The following LHFPL6 variants were observed in gnomAD, a reference collection of about 807,000 sequenced individuals.
LHFPL6 encodes LHFPL tetraspan subfamily member 6.
LHFPL6 carries 9 observed loss-of-function variants against 20.6 expected under a neutral mutation model. That is an observed-to-expected ratio of 0.44 (90% CI 0.26 to 0.76). The LOEUF (loss-of-function observed/expected upper bound fraction) is 0.76. Ranked by LOEUF, LHFPL6 falls within the 30% of genes least tolerant of loss-of-function variation. The pLI, the probability that LHFPL6 is intolerant of heterozygous loss-of-function variation, is 0.20. For synonymous variants in LHFPL6, 105 were observed against 98.7 expected, an observed-to-expected ratio of 1.06 and a Z score of -0.38; for missense variants, 218 against 253.5, an observed-to-expected ratio of 0.86 and a Z score of 0.95.
chr13:39,497,938 C>A (rs1188727662), intron 2 of LHFPL6, among the ~76,000 whole-genome samples: 1 of 152,162 alleles, frequency 6.6e-6, no homozygotes, highest in Non-Finnish European at 1.5e-5. Context: ...AATGAAGACA[C>A]TGATTTTAGT....
intron 3 of LHFPL6, among the ~76,000 whole-genome samples, chr13:39,373,208 C>T (rs1302392713): frequency 6.6e-6 from 1 of 152,126 alleles, no homozygotes; most frequent in Non-Finnish European, 1.5e-5. Context: ...TTTTTTGTTT[C>T]CATAAAACAC....
intron 2 of LHFPL6, among the ~76,000 whole-genome samples, chr13:39,491,620 T>C (rs1053300640): frequency 1.3e-5 from 2 of 152,124 alleles, no homozygotes; most frequent in African/African-American, 4.8e-5. Flanking sequence ...GAAGCCACAA[T>C]TAAATCCTCG....
At chr13:39,594,123 A>C (rs1318096815) in intron 2 of LHFPL6, among the ~76,000 whole-genome samples, 4 of 152,234 alleles carry the variant, frequency 2.6e-5, no homozygotes, top group African/African-American at 9.6e-5. Context: ...AACGGGATCT[A>C]ATTAAACTAA....
chr13:39,431,266 T>C (rs930972005), intron 2 of LHFPL6, among the ~76,000 whole-genome samples: 1 of 152,130 alleles, frequency 6.6e-6, no homozygotes, highest in African/African-American at 2.4e-5. Context: ...GCGGCTTCAT[T>C]CCTGAAGTCA....
chr13:39,472,901 G>A (rs778109128), intron 2 of LHFPL6, among the ~76,000 whole-genome samples: 118 of 152,278 alleles, frequency 7.7e-4, no homozygotes, highest in Non-Finnish European at 1.3e-3. Context: ...GTGAGCCACC[G>A]TGCCCGGCCC....
intron 3 of LHFPL6, among the ~76,000 whole-genome samples, chr13:39,367,834 T>C (rs1437068891): frequency 6.6e-6 from 1 of 152,200 alleles, no homozygotes; most frequent in Non-Finnish European, 1.5e-5. Flanking sequence ...TAAGTTAAAA[T>C]CAGTCTGAAG....
At position 39,521,730 on chromosome 13, in the gene LHFPL6, TCAA is replaced by T. The variant is rs1299791205; in HGVS notation, c.385+79099_385+79101del. Reference sequence around the variant, plus strand: ...AAAGAGTCATTATCTATCCAAATTTTCAACAACATGTCTTACCATGCCTATTGC... The same window carrying T: ...AAAGAGTCATTATCTATCCAAATTTTCAACATGTCTTACCATGCCTATTGC... On this transcript the variant is annotated intron_variant, in intron 2 of 3. Coordinates refer to ENST00000379589, the MANE Select transcript of LHFPL6 (RefSeq NM_005780.3). Among the ~76,000 whole-genome samples, 5 of 152,314 alleles carry T rather than the reference TCAA, an allele frequency of 3.3e-5. No individual in the cohort carries two copies. In the South Asian group the frequency reaches 6.2e-4, roughly 19 times the overall value.
intron 2 of LHFPL6, among the ~76,000 whole-genome samples, chr13:39,405,281 C>T (rs971067308): frequency 6.6e-6 from 1 of 152,184 alleles, no homozygotes; most frequent in African/African-American, 2.4e-5. Flanking sequence ...CCCAGCAAGT[C>T]TTCCTGAGCT....
chr13:39,387,983 T>C (rs370215360), intron 2 of LHFPL6, among the ~76,000 whole-genome samples: 4 of 152,144 alleles, frequency 2.6e-5, no homozygotes, highest in African/African-American at 7.2e-5. Flanking sequence ...ACCCCAGTTG[T>C]GAGCGCTGGC....
At chr13:39,467,384 T>A (rs541470788) in intron 2 of LHFPL6, among the ~76,000 whole-genome samples, 3 of 152,312 alleles carry the variant, frequency 2.0e-5, no homozygotes, top group Admixed American at 2.0e-4. Flanking sequence ...TTGAAAGGTG[T>A]CTGCAAGTCC....
intron 2 of LHFPL6, among the ~76,000 whole-genome samples, chr13:39,594,272 A>G (rs1872705437): frequency 1.3e-5 from 2 of 152,226 alleles, no homozygotes; most frequent in Admixed American, 1.3e-4. Context: ...ATTTACAAGA[A>G]AAAACCACAC....
chr13:39,415,500 G>GA (rs71077296), intron 2 of LHFPL6, among the ~76,000 whole-genome samples: 271 of 145,228 alleles, frequency 1.9e-3, no homozygotes, highest in East Asian at 8.1e-3. Context: ...TAAAAATACT[G>GA]AAAAAAAAAA....
At chr13:39,509,178 C>CAT (rs1362864964) in intron 2 of LHFPL6, among the ~76,000 whole-genome samples, 2 of 152,076 alleles carry the variant, frequency 1.3e-5, no homozygotes, top group Non-Finnish European at 2.9e-5. Flanking sequence ...ATTTGCCATC[C>CAT]ATATATTTGT....
At chr13:39,394,709 C>T (rs550074346) in intron 2 of LHFPL6, among the ~76,000 whole-genome samples, 72 of 152,218 alleles carry the variant, frequency 4.7e-4, no homozygotes, top group African/African-American at 1.6e-3. Flanking sequence ...GGGTTTATCT[C>T]GTGGCTTCAC....
At chr13:39,392,424 G>T (rs1383588985) in intron 2 of LHFPL6, among the ~76,000 whole-genome samples, 2 of 152,092 alleles carry the variant, frequency 1.3e-5, no homozygotes, top group African/African-American at 4.8e-5. Context: ...GTGAAACCCT[G>T]TCTCTACTAA....
chr13:39,498,954 A>G (rs1869188456), intron 2 of LHFPL6, among the ~76,000 whole-genome samples: 1 of 152,124 alleles, frequency 6.6e-6, no homozygotes, highest in Non-Finnish European at 1.5e-5. Context: ...TCCACCTCCC[A>G]GGTTCGACTG....
In LHFPL6 at chr13:39,352,867, A is replaced by ATATATATATGAATGTATATATATGTG. The variant is rs1869609324; in HGVS notation, c.485-8814_485-8813insCACATATATATACATTCATATATATA. 2.7e-5 allele frequency among the ~76,000 whole-genome samples: 2 copies of ATATATATATGAATGTATATATATGTG among 75,396 alleles called. 1 individual carries two copies. Among genetic ancestry groups the ATATATATATGAATGTATATATATGTG allele is most frequent in the African/African-American group, 1.2e-4 (2 of 16,938 alleles). The allele number at this position is 75,396 out of a possible 152,430, so 49.5% of individuals were successfully genotyped here. On this transcript the variant is annotated intron_variant, in intron 3 of 3. Transcript: ENST00000379589. ...TATATATAAATGTATATATATGTGT[A>ATATATATATGAATGTATATATATGTG]TATATATATATAAATGTATATATAT...
chr13:39,461,115 C>T (rs773562947), intron 2 of LHFPL6, among the ~76,000 whole-genome samples: 4 of 152,082 alleles, frequency 2.6e-5, no homozygotes, highest in Non-Finnish European at 5.9e-5. Flanking sequence ...TGCATTAATT[C>T]GCTTAGGATG....
chr13:39,453,936 C>G (rs1378979916), intron 2 of LHFPL6, among the ~76,000 whole-genome samples: 1 of 152,204 alleles, frequency 6.6e-6, no homozygotes, highest in Non-Finnish European at 1.5e-5. Flanking sequence ...AAGTCAAGGT[C>G]AGGCTCAGGG....
Sources: allele counts gnomAD v4.1 joint callset (sites outside exome capture counted in the v4.1 genomes callset), GRCh38; gene constraint gnomAD v4.1.1; transcripts MANE v1.5; gene names NCBI Gene and HGNC (gene_info 2026-07-23, HGNC 2026-07-21).